Variants in SEMA6D observed in about 807,000 individuals in gnomAD.
SEMA6D encodes semaphorin-6D.
A neutral mutation model predicts 106.6 loss-of-function variants in SEMA6D; 35 were observed. That is an observed-to-expected ratio of 0.33 (90% CI 0.25 to 0.44). The LOEUF (loss-of-function observed/expected upper bound fraction) is 0.44, where lower values mean the gene tolerates loss of function less well. Ranked by LOEUF, SEMA6D falls within the 20% of genes least tolerant of loss-of-function variation. SEMA6D has a pLI of 1.00. For synonymous variants in SEMA6D, 499 were observed against 487.7 expected (o/e 1.02, Z -0.31); for missense variants, 1,185 against 1,345.9 (o/e 0.88, Z 1.87).
intron 1 of SEMA6D, chr15:47,730,531 T>C: frequency 7.6e-7 from 1 of 1,309,658 alleles, no homozygotes; most frequent in Non-Finnish European, 1.1e-6. Context: ...CAACTCCTGC[T>C]CGAAGGACAG....
At chr15:47,557,480 C>CTTCA (rs2142569938) in intron 3 of SEMA6D, among the ~76,000 whole-genome samples, 1 of 152,244 alleles carries the variant, frequency 6.6e-6, no homozygotes. Context: ...TGGGTGCCAC[C>CTTCA]TTCATTAAAT....
At chr15:47,435,429 G>A (rs539723751) in intron 2 of SEMA6D, among the ~76,000 whole-genome samples, 1 of 152,010 alleles carries the variant, frequency 6.6e-6, no homozygotes, top group African/African-American at 2.4e-5. Context: ...TCCTCCTTAT[G>A]CCCTGTAATA....
At chr15:47,751,973 G>GACATATTC (rs1382977734) in intron 1 of SEMA6D, among the ~76,000 whole-genome samples, 2 of 152,166 alleles carry the variant, frequency 1.3e-5, no homozygotes, top group African/African-American at 4.8e-5. Context: ...GGCATGACAT[G>GACATATTC]ACATATTCCA....
chr15:47,745,045 C>G (rs188352807), intron 1 of SEMA6D, among the ~76,000 whole-genome samples: 1 of 152,142 alleles, frequency 6.6e-6, no homozygotes, highest in Non-Finnish European at 1.5e-5. Flanking sequence ...TCCCTATTAT[C>G]TCCAGGTGTG....
intron 1 of SEMA6D, among the ~76,000 whole-genome samples, chr15:47,731,945 C>T (rs1046889702): frequency 1.3e-5 from 2 of 152,286 alleles, no homozygotes; most frequent in South Asian, 2.1e-4. Flanking sequence ...GTCAGACAGA[C>T]GTAGGTTGGA....
intron 4 of SEMA6D, among the ~76,000 whole-genome samples, chr15:47,660,473 A>G (rs1339194654): frequency 6.6e-6 from 1 of 152,152 alleles, no homozygotes; most frequent in Non-Finnish European, 1.5e-5. Flanking sequence ...GGTACAGGAA[A>G]GCATATATGG....
At chr15:47,187,383 A>C (rs903945870) in intron 1 of SEMA6D, among the ~76,000 whole-genome samples, 5 of 152,282 alleles carry the variant, frequency 3.3e-5, no homozygotes, top group Non-Finnish European at 7.4e-5. Context: ...GGAATTATGA[A>C]GTGTTATTCA....
chr15:47,767,340 T>C (rs2082398558), intron 17 of SEMA6D: 2 of 343,152 alleles, frequency 5.8e-6, no homozygotes, highest in African/African-American at 2.1e-5. Flanking sequence ...TAACATAGAC[T>C]GCATTCCAGC....
At chr15:47,454,381 T>A (rs1206923147) in intron 2 of SEMA6D, among the ~76,000 whole-genome samples, 1 of 151,932 alleles carries the variant, frequency 6.6e-6, no homozygotes, top group African/African-American at 2.4e-5. Context: ...CAGAATACAA[T>A]TTCATGCCAC....
At chr15:47,402,747 CT>C (rs11344225) in intron 1 of SEMA6D, among the ~76,000 whole-genome samples, 65,068 of 121,362 alleles carry the variant, frequency 0.54, 16,466 homozygotes, top group Middle Eastern at 0.62. Flanking sequence ...GTGAGCCAGA[CT>C]TTTTTTTTTT....
rs950811774 is a variant in SEMA6D, at chr15:47,215,135, A to C, written c.-239+30717A>C. Among the ~76,000 whole-genome samples the C allele has an allele frequency of 4.8e-5, 7 of 146,738 alleles. 1 individual carries two copies. Among genetic ancestry groups the C allele is most frequent in the African/African-American group, 1.8e-4 (7 of 38,258 alleles). On this transcript the variant is annotated intron_variant, in intron 1 of 19. Coordinates refer to the SEMA6D transcript ENST00000558014. ...TGGTATTCTTTTTGATGGACAATTCAATTGCATTTAAATTCAAACAAACAT... is the reference window on the plus strand; with the variant it reads ...TGGTATTCTTTTTGATGGACAATTCCATTGCATTTAAATTCAAACAAACAT...
At chr15:47,265,060 G>T (rs1230472845) in intron 1 of SEMA6D, among the ~76,000 whole-genome samples, 1 of 151,962 alleles carries the variant, frequency 6.6e-6, no homozygotes, top group Non-Finnish European at 1.5e-5. Flanking sequence ...AGAGATACTG[G>T]TCTGTAGTTT....
intron 1 of SEMA6D, among the ~76,000 whole-genome samples, chr15:47,348,451 A>G (rs777173178): frequency 1.3e-5 from 2 of 152,140 alleles, no homozygotes; most frequent in Non-Finnish European, 2.9e-5. Flanking sequence ...TACTGTTGCT[A>G]CTATAGGTTG....
chr15:47,523,768 G>A (rs1378987858), intron 3 of SEMA6D, among the ~76,000 whole-genome samples: 5 of 152,144 alleles, frequency 3.3e-5, no homozygotes, highest in Non-Finnish European at 4.4e-5. Context: ...AGTGTAAAAG[G>A]AGCCAGAATT....
intron 1 of SEMA6D, among the ~76,000 whole-genome samples, chr15:47,747,317 TG>T (rs2081200037): frequency 6.6e-6 from 1 of 152,158 alleles, no homozygotes. Flanking sequence ...CTGGGATTAT[TG>T]TCCAGGTTTG....
intron 4 of SEMA6D, among the ~76,000 whole-genome samples, chr15:47,633,378 G>A (rs2144558374): frequency 6.6e-6 from 1 of 152,076 alleles, no homozygotes; most frequent in South Asian, 2.1e-4. Context: ...TCTCTTCATT[G>A]ATAAAGGATT....
intron 1 of SEMA6D, chr15:47,339,219 T>G (rs919828132): frequency 6.6e-6 from 1 of 152,126 alleles, no homozygotes; most frequent in Non-Finnish European, 1.5e-5. Flanking sequence ...ATCCACTAAA[T>G]GTAAGTGTTT....
At chr15:47,540,863 CAG>C (rs2045334394) in intron 3 of SEMA6D, among the ~76,000 whole-genome samples, 1 of 152,048 alleles carries the variant, frequency 6.6e-6, no homozygotes, top group Non-Finnish European at 1.5e-5. Context: ...ACATTTCAGA[CAG>C]AGAGTACAAT....
chr15:47,712,656 G>A (rs953883298), upstream of SEMA6D, among the ~76,000 whole-genome samples: 5 of 152,162 alleles, frequency 3.3e-5, no homozygotes, highest in Non-Finnish European at 7.4e-5. Flanking sequence ...ATTTTTAGAA[G>A]TAAATAAACT....
Sources: gnomAD v4.1 joint callset for allele counts (sites outside exome capture counted in the v4.1 genomes callset) on GRCh38, gnomAD v4.1.1 for gene constraint, MANE v1.5 for transcripts, NCBI Gene and HGNC (gene_info 2026-07-23, HGNC 2026-07-21) for gene names.